The following PTPRD variants were observed in gnomAD, a reference collection of about 807,000 sequenced individuals.
The protein encoded by PTPRD is protein tyrosine phosphatase receptor type D.
In PTPRD, 34 loss-of-function variants were observed where a neutral mutation model predicts 214.5. The observed-to-expected ratio is 0.16, with a 90% CI of 0.12 to 0.21. The LOEUF is 0.21. Ranked by LOEUF, PTPRD falls within the 10% of genes least tolerant of loss-of-function variation. The pLI, the probability that PTPRD is intolerant of heterozygous loss-of-function variation, is 1.00. For missense variants in PTPRD, 2,545 were observed against 2,398.7 expected, an observed-to-expected ratio of 1.06 and a Z score of -1.27; for synonymous variants, 1,128 against 845.7, an observed-to-expected ratio of 1.33 and a Z score of -5.79.
intron 11 of PTPRD, among the ~76,000 whole-genome samples, chr9:8,760,458 G>T (rs75400810): frequency 1.1e-3 from 168 of 152,198 alleles, no homozygotes; most frequent in African/African-American, 3.8e-3. Context: ...TAACAGGTAT[G>T]TTATTTCATT....
intron 11 of PTPRD, chr9:8,963,004 A>C (rs1238735657): frequency 6.6e-6 from 1 of 152,158 alleles, no homozygotes; most frequent in Admixed American, 6.6e-5. Context: ...GCTAGAAACA[A>C]TAAATGTCCA....
At chr9:9,762,451 T>C (rs2098666937) in intron 6 of PTPRD, among the ~76,000 whole-genome samples, 1 of 152,194 alleles carries the variant, frequency 6.6e-6, no homozygotes, top group South Asian at 2.1e-4. Context: ...CCTTTTATTT[T>C]TGTTTAACAG....
chr9:8,644,538 C>A (rs936629414), intron 12 of PTPRD, among the ~76,000 whole-genome samples: 3 of 152,194 alleles, frequency 2.0e-5, no homozygotes, highest in African/African-American at 4.8e-5. Context: ...GAGAGAAGGG[C>A]TGTGGCCCTT....
intron 10 of PTPRD, among the ~76,000 whole-genome samples, chr9:9,119,607 G>T (rs570324687): frequency 1.0e-3 from 159 of 151,496 alleles, no homozygotes; most frequent in African/African-American, 3.7e-3. Flanking sequence ...TCGGCTCACT[G>T]CAACCTCCCA....
At chr9:9,095,537 T>C (rs528947989) in intron 10 of PTPRD, among the ~76,000 whole-genome samples, 2 of 152,276 alleles carry the variant, frequency 1.3e-5, no homozygotes, top group South Asian at 4.2e-4. Context: ...GGAAGTCTCC[T>C]GGGACTTGTC....
intron 12 of PTPRD, among the ~76,000 whole-genome samples, chr9:8,692,065 T>A (rs1011849694): frequency 3.9e-5 from 6 of 152,210 alleles, no homozygotes; most frequent in African/African-American, 1.4e-4. Context: ...AAATTCCTTC[T>A]TCTCTTTTTG....
intron 4 of PTPRD, among the ~76,000 whole-genome samples, chr9:10,019,742 A>C (rs2096805666): frequency 6.9e-6 from 1 of 144,824 alleles, no homozygotes; most frequent in Non-Finnish European, 1.5e-5. Flanking sequence ...ACACACGGAC[A>C]CAGGAAGGGG....
chr9:9,097,543 G>C (rs1304619944), intron 10 of PTPRD, among the ~76,000 whole-genome samples: 1 of 151,858 alleles, frequency 6.6e-6, no homozygotes, highest in Non-Finnish European at 1.5e-5. Context: ...CAAGCAGCTG[G>C]GACTACAGGC....
chr9:8,439,650 T>C (rs1487511687), intron 34 of PTPRD, among the ~76,000 whole-genome samples: 6 of 152,224 alleles, frequency 3.9e-5, no homozygotes, highest in Non-Finnish European at 8.8e-5. Context: ...AAGTTGAAAC[T>C]GTTTAGCTCA....
At chr9:9,712,637 C>T (rs960324194) in intron 7 of PTPRD, among the ~76,000 whole-genome samples, 2 of 152,060 alleles carry the variant, frequency 1.3e-5, no homozygotes, top group Non-Finnish European at 1.5e-5. Flanking sequence ...CATTCTTGAA[C>T]GTACATGTAT....
intron 12 of PTPRD, among the ~76,000 whole-genome samples, chr9:8,698,884 A>G (rs1427710110): frequency 6.6e-6 from 1 of 152,156 alleles, no homozygotes; most frequent in Non-Finnish European, 1.5e-5. Context: ...GTTCAAGAAC[A>G]GGAGTGCTGA....
chr9:9,051,748 C>A (rs62529460), intron 10 of PTPRD, among the ~76,000 whole-genome samples: 8,596 of 152,232 alleles, frequency 0.056, 266 homozygotes, highest in Middle Eastern at 0.088. Flanking sequence ...AAGAGAAAGG[C>A]AAAGGCTTTA....
At chr9:10,323,853 G>A (rs1470308064) in intron 3 of PTPRD, among the ~76,000 whole-genome samples, 1 of 151,924 alleles carries the variant, frequency 6.6e-6, no homozygotes, top group Non-Finnish European at 1.5e-5. Flanking sequence ...AAGTTTACAA[G>A]TGATCAGAAC....
intron 2 of PTPRD, among the ~76,000 whole-genome samples, chr9:10,411,551 C>T (rs955484506): frequency 7.2e-5 from 11 of 151,760 alleles, no homozygotes; most frequent in African/African-American, 2.4e-4. Context: ...GGCAGATTCA[C>T]CATCATCCTA....
intron 8 of PTPRD, among the ~76,000 whole-genome samples, chr9:9,412,940 T>A (rs2075904385): frequency 6.6e-6 from 1 of 152,010 alleles, no homozygotes; most frequent in South Asian, 2.1e-4. Flanking sequence ...GAAAGATCAA[T>A]GGAGGGATAT....
At position 10,365,767 on chromosome 9, in the gene PTPRD, G is replaced by C. The variant is rs149548029; in HGVS notation, c.-599-24750C>G. On this transcript the variant is annotated intron_variant, in intron 2 of 45. Coordinates refer to ENST00000381196, the MANE Select transcript of PTPRD (RefSeq NM_002839.4). ...TTGATATTGAAATAATAGTTCAATA[G>C]TTAATACTACAAATAATATTAATTA... Among the ~76,000 whole-genome samples, 1,097 of 152,150 alleles carry C rather than the reference G, an allele frequency of 7.2e-3. 8 individuals carry two copies. The highest frequency in any genetic ancestry group is 0.011 in the Non-Finnish European group (729 of 68,012).
intron 2 of PTPRD, among the ~76,000 whole-genome samples, chr9:10,392,853 G>A (rs1199510296): frequency 2.0e-5 from 3 of 151,836 alleles, no homozygotes; most frequent in Non-Finnish European, 4.4e-5. Context: ...ACATTTGCTG[G>A]AATAGAAAGA....
At chr9:10,494,797 T>C (rs905551341) in intron 2 of PTPRD, among the ~76,000 whole-genome samples, 6 of 151,512 alleles carry the variant, frequency 4.0e-5, no homozygotes, top group Non-Finnish European at 8.9e-5. Flanking sequence ...CAGTTTCAGA[T>C]ACTGTATATT....
At chr9:9,162,168 T>G (rs2099890831) in intron 10 of PTPRD, among the ~76,000 whole-genome samples, 1 of 152,152 alleles carries the variant, frequency 6.6e-6, no homozygotes, top group Non-Finnish European at 1.5e-5. Context: ...TTCTTATGCA[T>G]GCACCACGGT....
Sources: allele counts gnomAD v4.1 joint callset (sites outside exome capture counted in the v4.1 genomes callset), GRCh38; gene constraint gnomAD v4.1.1; transcripts MANE v1.5; gene names NCBI Gene and HGNC (gene_info 2026-07-23, HGNC 2026-07-21).